The following FGF14 variants were observed in gnomAD, a reference collection of about 807,000 sequenced individuals.
FGF14 encodes the protein fibroblast growth factor 14.
A neutral mutation model predicts 25.5 loss-of-function variants in FGF14; 5 were observed. The observed-to-expected ratio is 0.20, with a 90% CI of 0.10 to 0.41. FGF14 has a LOEUF of 0.41. Among genes scored for constraint, FGF14 ranks in the 10% least tolerant of loss-of-function variants. The pLI is 1.00. For missense variants in FGF14, 222 were observed against 320.1 expected (o/e 0.69, Z 2.34); for synonymous variants, 138 against 118.3 (o/e 1.17, Z -1.08).
At chr13:101,984,000 C>A (rs1213181202) in intron 1 of FGF14, among the ~76,000 whole-genome samples, 1 of 152,130 alleles carries the variant, frequency 6.6e-6, no homozygotes, top group South Asian at 2.1e-4. Context: ...AATTCAAAAT[C>A]CAGGTTTTCC....
chr13:101,916,771 G>A lies in FGF14; in HGVS notation c.-126C>T. The A allele has an allele frequency of 1.2e-6, 1 of 806,546 alleles. No individual in the cohort carries two copies. Among genetic ancestry groups the A allele is most frequent in the Non-Finnish European group, 1.9e-6 (1 of 531,824 alleles). 50.0% of individuals were successfully genotyped at this position (806,546 alleles called of 1,614,324 possible). The stretch of plus-strand genomic sequence containing the variant: ...GGGCAGAGGAGGGGGTGCCAGGCGG[G>A]ACTGGGGAGAGGGGAAGGGGGGCTC... On this transcript the variant is annotated 5_prime_UTR_variant, in exon 1 of 5. Coordinates refer to ENST00000376143, the MANE Select transcript of FGF14 (RefSeq NM_004115.4).
chr13:102,134,034 A>C (rs2046309831), intron 1 of FGF14, among the ~76,000 whole-genome samples: 1 of 152,242 alleles, frequency 6.6e-6, no homozygotes, highest in South Asian at 2.1e-4. Context: ...ATTTTTATGT[A>C]GTGTTTATTA....
At chr13:101,911,148 G>C (rs1477579740) in intron 1 of FGF14, among the ~76,000 whole-genome samples, 1 of 151,924 alleles carries the variant, frequency 6.6e-6, no homozygotes, top group Non-Finnish European at 1.5e-5. Flanking sequence ...AAAGAGAAGG[G>C]AGGTTCTTGT....
chr13:101,782,317 T>C (rs1008701444), intron 3 of FGF14, among the ~76,000 whole-genome samples: 7 of 152,244 alleles, frequency 4.6e-5, no homozygotes, highest in Non-Finnish European at 1.0e-4. Context: ...TCACTGCCAA[T>C]ATCATATTTC....
At position 101,810,495 on chromosome 13, in the gene FGF14, A is replaced by G. The variant is rs1274608509; in HGVS notation, c.408+58230T>C. Among the ~76,000 whole-genome samples, 3 of 152,196 alleles carry G rather than the reference A, an allele frequency of 2.0e-5. No homozygotes were observed. In the East Asian group the frequency reaches 5.8e-4, roughly 29 times the overall value. ...TGAAGCCTGCTTAGTGGGCAATCTA[A>G]TGCTGACGACCATATCACTGCTACA... On this transcript the variant is annotated intron_variant, in intron 3 of 4. Coordinates refer to ENST00000376143, the MANE Select transcript of FGF14 (RefSeq NM_004115.4).
intron 1 of FGF14, among the ~76,000 whole-genome samples, chr13:101,901,441 T>C (rs2031533382): frequency 6.6e-6 from 1 of 152,058 alleles, no homozygotes; most frequent in African/African-American, 2.4e-5. Context: ...CGGTGGCTCA[T>C]GCCTGCAATC....
intron 1 of FGF14, among the ~76,000 whole-genome samples, chr13:102,298,628 G>A (rs1428693567): frequency 1.3e-5 from 2 of 152,048 alleles, no homozygotes; most frequent in Non-Finnish European, 2.9e-5. Context: ...AATGCGTTGT[G>A]CACTTCTGTC....
chr13:102,166,510 T>C (rs1371844484), intron 1 of FGF14, among the ~76,000 whole-genome samples: 5 of 152,130 alleles, frequency 3.3e-5, no homozygotes, highest in African/African-American at 1.2e-4. Context: ...TCTCATACCG[T>C]GCACAAGTGT....
Position 102,200,653 on chromosome 13 carries a change from G to A in FGF14, c.208+200818C>T, listed in dbSNP as rs190057609. On this transcript the variant is annotated intron_variant, in intron 1 of 4. Coordinates refer to the FGF14 transcript ENST00000376131. ...TTTTTTCAACCAGGCTGTTCTGTCA[G>A]CTTTTTCCTTAATAAATCGGACTTC... Among the ~76,000 whole-genome samples the A allele has an allele frequency of 2.0e-3, 299 of 150,200 alleles. 1 individual carries two copies. Among genetic ancestry groups the A allele is most frequent in the Middle Eastern group, 3.4e-3 (1 of 290 alleles).
intron 3 of FGF14, among the ~76,000 whole-genome samples, chr13:101,789,186 A>G (rs578187605): frequency 2.8e-4 from 43 of 151,924 alleles, no homozygotes; most frequent in African/African-American, 8.2e-4. Context: ...ATTTTTCAGT[A>G]TCTAGAATTA....
intron 1 of FGF14, among the ~76,000 whole-genome samples, chr13:101,879,552 G>C (rs528793730): frequency 5.9e-5 from 9 of 152,220 alleles, no homozygotes; most frequent in African/African-American, 2.2e-4. Context: ...GGCGAAAGAA[G>C]AATCAGGATA....
intron 1 of FGF14, among the ~76,000 whole-genome samples, chr13:102,042,226 T>G (rs2041777175): frequency 1.3e-5 from 2 of 152,218 alleles, no homozygotes; most frequent in African/African-American, 4.8e-5. Flanking sequence ...TGACAAGGAA[T>G]GCTTATACAA....
chr13:101,994,794 C>T (rs1008881661), intron 1 of FGF14, among the ~76,000 whole-genome samples: 8 of 151,956 alleles, frequency 5.3e-5, no homozygotes, highest in African/African-American at 1.7e-4. Flanking sequence ...TCTAAGCCCC[C>T]GAGTTAATTT....
At chr13:101,878,998 C>G (rs1208703056) in intron 1 of FGF14, among the ~76,000 whole-genome samples, 1 of 152,044 alleles carries the variant, frequency 6.6e-6, no homozygotes, top group Admixed American at 6.5e-5. Context: ...TCTTACAATA[C>G]AGATTCCCAA....
rs995550146 is a variant in FGF14 at position 102,182,226 on chromosome 13, T to C, written c.208+219245A>G. Among the ~76,000 whole-genome samples the C allele has an allele frequency of 2.6e-5, 4 of 152,104 alleles. No individual in the cohort carries two copies. In the East Asian group the frequency reaches 7.7e-4, roughly 29 times the overall value. ...GAGACGCTACATTCCCGGCCTTGAA[T>C]ATGAATATGATTCCTGGTATTGAAT... is the stretch of plus-strand genomic sequence containing the variant. On this transcript the variant is annotated intron_variant, in intron 1 of 4. Coordinates refer to the FGF14 transcript ENST00000376131.
chr13:101,959,347 T>A (rs1235515050), intron 1 of FGF14, among the ~76,000 whole-genome samples: 1 of 151,520 alleles, frequency 6.6e-6, no homozygotes, highest in Non-Finnish European at 1.5e-5. Flanking sequence ...TACCCCACAG[T>A]TGCCCATGGT....
At chr13:102,082,324 A>G (rs1225615348) in intron 1 of FGF14, among the ~76,000 whole-genome samples, 1 of 152,134 alleles carries the variant, frequency 6.6e-6, no homozygotes, top group Non-Finnish European at 1.5e-5. Context: ...AAAAACTCTA[A>G]GCCATGTCTT....
chr13:102,041,582 G>GAAAAAA (rs2041741856), intron 1 of FGF14, among the ~76,000 whole-genome samples: 1 of 87,906 alleles, frequency 1.1e-5, no homozygotes, highest in Non-Finnish European at 1.9e-5. Context: ...GTGTTTCCAT[G>GAAAAAA]TAAAAAAAAA....
intron 1 of FGF14, among the ~76,000 whole-genome samples, chr13:101,957,574 C>T (rs2139434532): frequency 6.6e-6 from 1 of 152,274 alleles, no homozygotes; most frequent in South Asian, 2.1e-4. Context: ...CCAAATCAGA[C>T]TCCCCATTTT....
Sources: gnomAD v4.1 joint callset for allele counts (sites outside exome capture counted in the v4.1 genomes callset) on GRCh38, gnomAD v4.1.1 for gene constraint, MANE v1.5 for transcripts, NCBI Gene and HGNC (gene_info 2026-07-23, HGNC 2026-07-21) for gene names.